The following ECT2L variants were observed in gnomAD, a reference collection of about 807,000 sequenced individuals.
ECT2L encodes the protein epithelial cell-transforming sequence 2 oncogene-like.
Under a neutral mutation model 122.8 loss-of-function variants are expected in ECT2L, and 126 were observed. That is an observed-to-expected ratio of 1.03 (90% confidence interval 0.89 to 1.19). ECT2L has a LOEUF of 1.19. ECT2L is among the 50% of genes most tolerant of loss of function. The pLI is 0.00. For synonymous variants in ECT2L, 385 were observed against 381.8 expected (o/e 1.01, Z -0.10); for missense variants, 1,012 against 1,064.1 (o/e 0.95, Z 0.68).
chr6:138,834,894 T>TACACACAC (rs544584441), intron 4 of ECT2L, among the ~76,000 whole-genome samples: 2,078 of 137,356 alleles, frequency 0.015, 18 homozygotes, highest in South Asian at 0.026. Flanking sequence ...TGCCCCCGTT[T>TACACACAC]ACACACACAC....
chr6:138,901,046 C>A lies in ECT2L; in HGVS notation c.2513C>A (p.Ser838Ter). ...TCTCACACTCCATTTGAGAGGACTT[C>A]AAAAACAACCTACCAGTTCATTGCA... ...GTSHTPFERT[S>*]KTTYQFIASV... The change falls in exon 21 of 22, where the codon TCA (serine) becomes TAA (stop). Residue 838 changes from serine (S) to a stop codon, truncating the protein, a stop_gained. Transcript: ENST00000541398. LOFTEE classifies it high-confidence loss of function. The A allele has an allele frequency of 6.2e-7, 1 of 1,614,154 alleles. No individual in the cohort carries two copies. The highest frequency in any genetic ancestry group is 8.5e-7 in the Non-Finnish European group (1 of 1,180,020).
At chr6:138,881,328 C>A (rs1778639374) in intron 15 of ECT2L, among the ~76,000 whole-genome samples, 157 bp downstream of exon 15, 1 of 152,026 alleles carries the variant, frequency 6.6e-6, no homozygotes, top group Admixed American at 6.6e-5. Context: ...ACCTACCGGG[C>A]TGCAACCAGT....
Position 138,868,185 on chromosome 6 carries a change from G to A in ECT2L, c.1557G>A (p.Met519Ile), listed in dbSNP as rs766728113. Residue 519 changes from methionine (M) to isoleucine (I), a missense_variant, in exon 13 of 22, where the codon ATG becomes ATA. Met to Ile is a conservative substitution (Grantham distance 10, BLOSUM62 1). Transcript: ENST00000541398. ...DTAQALADGL[M>I]ELSKEDSERN... Reference sequence around the variant, plus strand: ...CGCAAGCTCTGGCAGATGGATTGATGGAGTTGTCAAAAGAAGATTCTGTAA... The same window carrying A: ...CGCAAGCTCTGGCAGATGGATTGATAGAGTTGTCAAAAGAAGATTCTGTAA... 30 of 1,613,154 alleles carry A rather than the reference G, an allele frequency of 1.9e-5. No individual in the cohort carries two copies. The highest frequency in any genetic ancestry group is 2.5e-5 in the Non-Finnish European group (30 of 1,179,576).
intron 10 of ECT2L, among the ~76,000 whole-genome samples, chr6:138,860,745 A>G (rs1388820838): frequency 6.9e-6 from 1 of 144,606 alleles, no homozygotes; most frequent in Non-Finnish European, 1.5e-5. Flanking sequence ...GTTCTGGGAT[A>G]CAAGTGCAGT....
intron 13 of ECT2L, among the ~76,000 whole-genome samples, chr6:138,869,315 C>A (rs1350418373): frequency 6.6e-6 from 1 of 152,232 alleles, no homozygotes; most frequent in African/African-American, 2.4e-5. Flanking sequence ...TCAAATCTTT[C>A]TCTTCCACCA....
chr6:138,857,248 C>T (rs911315830), intron 10 of ECT2L, among the ~76,000 whole-genome samples: 11 of 152,154 alleles, frequency 7.2e-5, no homozygotes, highest in African/African-American at 2.7e-4. Context: ...TAAGCTTTCC[C>T]TCACCACTTT....
intron 8 of ECT2L, 44 bp downstream of exon 8, chr6:138,846,721 G>A (rs759004909): frequency 1.4e-6 from 2 of 1,405,866 alleles, no homozygotes; most frequent in South Asian, 1.9e-5. Flanking sequence ...TTGTTTTTTT[G>A]TTTTTTGTTT....
intron 6 of ECT2L, among the ~76,000 whole-genome samples, chr6:138,843,881 G>A (rs1463819112): frequency 1.3e-5 from 2 of 151,992 alleles, no homozygotes; most frequent in African/African-American, 2.4e-5. Context: ...GTAGAGATGG[G>A]GTTTCTCCAT....
chr6:138,846,566 C>G lies in ECT2L; in HGVS notation c.792C>G (p.Tyr264Ter). Reference sequence around the variant, plus strand: ...GCAATATTTCTGGAAGCCATTCCTACCCTTTATTATCAAAGAAAAATTGGC... The same window carrying G: ...GCAATATTTCTGGAAGCCATTCCTAGCCTTTATTATCAAAGAAAAATTGGC... The part of the protein sequence containing the change: ...KRSNISGSHS[Y>*]PLLSKKNWHG... Residue 264 changes from tyrosine to a stop codon, truncating the protein, a stop_gained, in exon 8 of 22, where the codon TAC (tyrosine) becomes TAG (stop). Coordinates refer to ENST00000541398, the MANE Select transcript of ECT2L (RefSeq NM_001077706.3). LOFTEE classifies it high-confidence loss of function. 1 of 1,602,642 alleles carries G rather than the reference C, an allele frequency of 6.2e-7. No individual in the cohort carries two copies. The highest frequency in any genetic ancestry group is 8.5e-7 in the Non-Finnish European group (1 of 1,176,818).
At chr6:138,801,890 G>A (rs1775555053) in intron 1 of ECT2L, among the ~76,000 whole-genome samples, 1 of 152,206 alleles carries the variant, frequency 6.6e-6, no homozygotes, top group Non-Finnish European at 1.5e-5. Context: ...ATACATAAAT[G>A]AGATTGTCTG....
chr6:138,853,541 G>T (rs1777517813), intron 9 of ECT2L, among the ~76,000 whole-genome samples: 2 of 152,240 alleles, frequency 1.3e-5, no homozygotes, highest in South Asian at 4.1e-4. Flanking sequence ...TTAGAAATGG[G>T]TCCAGACCCA....
intron 20 of ECT2L, among the ~76,000 whole-genome samples, chr6:138,893,704 G>C (rs371726752): frequency 6.6e-6 from 1 of 152,150 alleles, no homozygotes; most frequent in Admixed American, 6.5e-5. Flanking sequence ...TTACAGGCGT[G>C]AGCCACCGCA....
Position 138,854,022 on chromosome 6 carries a change from T to C in ECT2L, c.1070-4T>C. The stretch of plus-strand genomic sequence containing the variant: ...AATATGACATTTTGATTTTTTTTCC[T>C]CAGGCTATAAAATTGGTGTTAAAAA... On this transcript the variant is annotated splice_region_variant and splice_polypyrimidine_tract_variant and intron_variant, in intron 9 of 21. Transcript: ENST00000541398. The C allele has an allele frequency of 6.2e-7, 1 of 1,612,692 alleles. No individual in the cohort carries two copies. Among genetic ancestry groups the C allele is most frequent in the Non-Finnish European group, 8.5e-7 (1 of 1,179,406 alleles).
At chr6:138,859,224 G>T (rs142799619) in intron 10 of ECT2L, among the ~76,000 whole-genome samples, 1 of 152,064 alleles carries the variant, frequency 6.6e-6, no homozygotes, top group South Asian at 2.1e-4. Context: ...TTACCCATCC[G>T]ATCCATGTAT....
intron 4 of ECT2L, among the ~76,000 whole-genome samples, chr6:138,831,746 G>A (rs377069776): frequency 5.1e-4 from 78 of 152,138 alleles, no homozygotes; most frequent in African/African-American, 1.8e-3. Context: ...CATTAAAACC[G>A]CAGAATGTAA....
At chr6:138,808,391 T>C (rs1468867294) in intron 1 of ECT2L, among the ~76,000 whole-genome samples, 1 of 152,092 alleles carries the variant, frequency 6.6e-6, no homozygotes, top group East Asian at 1.9e-4. Flanking sequence ...ACTACAGGCA[T>C]GCACCACCAT....
intron 7 of ECT2L, 62 bp from the exon 8 acceptor site, chr6:138,846,477 T>A: frequency 6.7e-7 from 1 of 1,495,882 alleles, no homozygotes; most frequent in East Asian, 2.3e-5. Context: ...ATATGCTGTG[T>A]ACTTACCAAA....
At chr6:138,900,313 C>A (rs1779356278) in intron 20 of ECT2L, among the ~76,000 whole-genome samples, 1 of 152,034 alleles carries the variant, frequency 6.6e-6, no homozygotes. Context: ...GTGGCGCAAT[C>A]TCAACTCATT....
At position 138,814,579 on chromosome 6, in the gene ECT2L, T is replaced by C. The variant is rs577253266; in HGVS notation, c.155T>C (p.Leu52Ser). The change falls in exon 4 of 22, where the codon TTA (leucine) becomes TCA (serine). Residue 52 changes from leucine (L) to serine (S), a missense_variant. Transcript: ENST00000541398. ...QRQEFLFAIF[L>S]RCTKSQLRFV... ...CAAGAATTCTTATTCGCAATTTTTT[T>C]AAGATGCACTAAATCACAATTAAGG... 4.3e-6 allele frequency: 7 copies of C among 1,610,636 alleles called. No individual in the cohort carries two copies. In the South Asian group the frequency reaches 7.7e-5, roughly 18 times the overall value.
Sources: allele counts gnomAD v4.1 joint callset (sites outside exome capture counted in the v4.1 genomes callset), GRCh38; gene constraint gnomAD v4.1.1; transcripts MANE v1.5; gene names NCBI Gene and HGNC (gene_info 2026-07-23, HGNC 2026-07-21).